The following CORO1B variants were observed in gnomAD, a reference collection of about 807,000 sequenced individuals.
CORO1B encodes the protein coronin-1B.
CORO1B carries 30 observed loss-of-function variants against 51.1 expected under a neutral mutation model. That is an observed-to-expected ratio of 0.59 (90% CI 0.44 to 0.80). CORO1B has a LOEUF of 0.80. Ranked by LOEUF, CORO1B falls within the 30% of genes least tolerant of loss-of-function variation. The probability of loss-of-function intolerance (pLI) is 0.00; values close to 1 mark genes in which losing one functional copy is unlikely to be tolerated. For missense variants in CORO1B, 648 were observed against 700.4 expected (o/e 0.93, Z 0.84); for synonymous variants, 310 against 289.7 (o/e 1.07, Z -0.71).
intron 6 of CORO1B, chr11:67,440,825 G>A (rs1301139009): frequency 3.0e-6 from 2 of 659,652 alleles, no homozygotes; most frequent in East Asian, 5.9e-5. Flanking sequence ...CTTTCTGGAG[G>A]AGCGGGGAGC....
Position 67,435,622 on chromosome 11 carries a change from G to A in CORO1B, c.*2754C>T. ...ACTTGGGAACTGGTAGGGGGTGACA[G>A]TCTGAGGCATGGTCATGTGGGCTGG... On this transcript the variant is annotated 3_prime_UTR_variant, in exon 11 of 11. Coordinates refer to ENST00000341356, the MANE Select transcript of CORO1B (RefSeq NM_020441.3). 6.8e-7 allele frequency: 1 copy of A among 1,460,090 alleles called. No homozygotes were observed. Among genetic ancestry groups the A allele is most frequent in the Non-Finnish European group, 9.1e-7 (1 of 1,102,864 alleles). The allele number at this position is 1,460,090 out of a possible 1,614,324, so 90.4% of individuals were successfully genotyped here. A position where few individuals can be genotyped will look rare whatever the true frequency, so the allele number is the denominator to read the frequency against.
At position 67,442,050 on chromosome 11, in the gene CORO1B, C is replaced by G; in HGVS notation, c.240G>C (p.Gly80=). 2 of 1,613,078 alleles carry G rather than the reference C, an allele frequency of 1.2e-6. No individual in the cohort carries two copies. The highest frequency in any genetic ancestry group is 1.7e-6 in the Non-Finnish European group (2 of 1,179,976). ...CGATGTCCAGGACAGGTCCCGTGTG[C>G]CCACACACCGTCGGGTAGGCCTTGT... The part of the protein sequence containing the change: ...RIDKAYPTVC[G]HTGPVLDIDW... The change falls in exon 3 of 11, where the codon GGG becomes GGC. Residue 80 remains glycine, a synonymous_variant. Coordinates refer to ENST00000341356, the MANE Select transcript of CORO1B (RefSeq NM_020441.3).
chr11:67,438,567 A>G (rs983024173), intron 10 of CORO1B, 66 bp from the exon 11 acceptor site: 14 of 1,556,422 alleles, frequency 9.0e-6, no homozygotes, highest in Non-Finnish European at 1.1e-5. Flanking sequence ...GCCCTCCCAA[A>G]CCCACCACTA....
chr11:67,443,350 C>T (rs2135150161), intron 1 of CORO1B, 54 bp downstream of exon 1: 1 of 424,820 alleles, frequency 2.4e-6, no homozygotes, highest in Non-Finnish European at 3.1e-6. Flanking sequence ...CCGGCCCCTG[C>T]AGCCCCGCCC....
chr11:67,435,989 C>A lies in CORO1B; in HGVS notation c.*2387G>T, dbSNP rs1310207520. ...GCCTTCCCCAGGGTCAGCCTGCAGG[C>A]CACCATCCGCGACGTGGTCATAGTC... On this transcript the variant is annotated 3_prime_UTR_variant, in exon 11 of 11. Transcript: ENST00000341356. 1 of 1,613,768 alleles carries A rather than the reference C, an allele frequency of 6.2e-7. No homozygotes were observed. The highest frequency in any genetic ancestry group is 8.5e-7 in the Non-Finnish European group (1 of 1,179,932).
Position 67,436,093 on chromosome 11 carries a change from TG to T in CORO1B, c.*2282del. 1 of 1,610,402 alleles carries T rather than the reference TG, an allele frequency of 6.2e-7. No homozygotes were observed. The highest frequency in any genetic ancestry group is 8.5e-7 in the Non-Finnish European group (1 of 1,178,732). Reference sequence around the variant, plus strand: ...CAGCTCGGGCCTGCAGCCAGCGACCTGGGGGGCTGGCCCAGAGCAGGCGCCG... The same window carrying T: ...CAGCTCGGGCCTGCAGCCAGCGACCTGGGGGCTGGCCCAGAGCAGGCGCCG... On this transcript the variant is annotated 3_prime_UTR_variant, in exon 11 of 11. Coordinates refer to ENST00000341356, the MANE Select transcript of CORO1B (RefSeq NM_020441.3).
At position 67,438,248 on chromosome 11, in the gene CORO1B, G is replaced by C. The variant is rs1216493865; in HGVS notation, c.*128C>G. ...CTTCGGCCTGGGCCTGGGACGGGTG[G>C]GGGTGGGAACTGACCCCTGCGCTGC... On this transcript the variant is annotated 3_prime_UTR_variant, in exon 11 of 11. Coordinates refer to ENST00000341356, the MANE Select transcript of CORO1B (RefSeq NM_020441.3). 8.3e-7 allele frequency: 1 copy of C among 1,199,934 alleles called. No homozygotes were observed. Among genetic ancestry groups the C allele is most frequent in the Non-Finnish European group, 1.2e-6 (1 of 868,446 alleles). The allele number at this position is 1,199,934 out of a possible 1,614,324, so 74.3% of individuals were successfully genotyped here.
Position 67,435,762 on chromosome 11 carries a change from C to T in CORO1B, c.*2614G>A. The T allele has an allele frequency of 4.5e-6, 7 of 1,555,772 alleles. No individual in the cohort carries two copies. The highest frequency in any genetic ancestry group is 6.1e-6 in the Non-Finnish European group (7 of 1,151,790). On this transcript the variant is annotated 3_prime_UTR_variant, in exon 11 of 11. Coordinates refer to ENST00000341356, the MANE Select transcript of CORO1B (RefSeq NM_020441.3). ...AGTGCGGTGACATGGAGGCCCTGGCCCCCAGCTGCCCTGGCGCTGTCATCC... is the reference window on the plus strand; with the variant it reads ...AGTGCGGTGACATGGAGGCCCTGGCTCCCAGCTGCCCTGGCGCTGTCATCC...
chr11:67,440,977 G>A (rs765114029), intron 6 of CORO1B, 148 bp downstream of exon 6: 1 of 1,179,622 alleles, frequency 8.5e-7, no homozygotes, highest in South Asian at 1.3e-5. Flanking sequence ...GGGCAGGAGA[G>A]GAAAGTCTGA....
chr11:67,441,749 G>T lies in CORO1B; in HGVS notation c.438C>A (p.Asn146Lys). The change falls in exon 4 of 11, where the codon AAC becomes AAA. Residue 146 changes from asparagine (N) to lysine (K), a missense_variant. By Grantham distance (94) the Asn-to-Lys change is moderately conservative. Transcript: ENST00000341356. ...GIIAWHPTAR[N>K]VLLSAGCDNV... is the part of the protein sequence containing the mutation. ...GGTGCAGACCTGCACTGAGCAGCACGTTTCGGGCCGTGGGGTGCCAGGCGA... is the reference window on the plus strand; with the variant it reads ...GGTGCAGACCTGCACTGAGCAGCACTTTTCGGGCCGTGGGGTGCCAGGCGA... 6.2e-7 allele frequency: 1 copy of T among 1,611,388 alleles called. No homozygotes were observed.
At position 67,442,098 on chromosome 11, in the gene CORO1B, C is replaced by T. The variant is rs565558736; in HGVS notation, c.202-10G>A. 3.0e-5 allele frequency: 49 copies of T among 1,607,336 alleles called. No homozygotes were observed. In the East Asian group the frequency reaches 6.9e-4, roughly 23 times the overall value. On this transcript the variant is annotated splice_polypyrimidine_tract_variant and intron_variant, in intron 2 of 10. Coordinates refer to ENST00000341356, the MANE Select transcript of CORO1B (RefSeq NM_020441.3). ...TGTCAATGCGGCCCGTCTGTGGGCA[C>T]GAGGGGGCAGTCAGTGGGCTCCATC...
In CORO1B at chr11:67,442,427, C is replaced by G; in HGVS notation, c.201+1G>C. On this transcript the variant is annotated splice_donor_variant, in intron 2 of 10. Coordinates refer to ENST00000341356, the MANE Select transcript of CORO1B (RefSeq NM_020441.3). LOFTEE classifies it high-confidence loss of function. ...CTTCCCCCAACCCTGACAGGACCCACCTTGCTTAGGGGGAGCACCAGAAAG... is the reference window on the plus strand; with the variant it reads ...CTTCCCCCAACCCTGACAGGACCCAGCTTGCTTAGGGGGAGCACCAGAAAG... 2 of 1,613,040 alleles carry G rather than the reference C, an allele frequency of 1.2e-6. No individual in the cohort carries two copies.
chr11:67,437,495 C>T lies in CORO1B; in HGVS notation c.*881G>A, dbSNP rs552980782. ...AAGGTTCAGCCTCTGCCATACTCCT[C>T]TTAGGTCTCACCTCTTCCCTGGGGC... is the stretch of plus-strand genomic sequence containing the variant. On this transcript the variant is annotated 3_prime_UTR_variant, in exon 11 of 11. Transcript: ENST00000341356. 4.0e-5 allele frequency: 47 copies of T among 1,177,540 alleles called. No homozygotes were observed. The highest frequency in any genetic ancestry group is 4.9e-5 in the Non-Finnish European group (44 of 898,422). The allele number at this position is 1,177,540 out of a possible 1,614,324, so 72.9% of individuals were successfully genotyped here. A position where few individuals can be genotyped will look rare whatever the true frequency, so the allele number is the denominator to read the frequency against.
intron 8 of CORO1B, 116 bp downstream of exon 8, chr11:67,440,002 C>A: frequency 6.7e-7 from 1 of 1,496,328 alleles, no homozygotes; most frequent in South Asian, 1.3e-5. Flanking sequence ...CGTGACAGTT[C>A]TCATGGCCCG....
rs145807014 is a variant in CORO1B, at chr11:67,438,859, C to T, written c.1156G>A (p.Asp386Asn). 337 of 1,608,546 alleles carry T rather than the reference C, an allele frequency of 2.1e-4. 1 individual carries two copies. In the South Asian group the frequency reaches 2.6e-3, roughly 12 times the overall value. ...TCCCGCAGTGAGATGAGGATCGGGT[C>T]GGCATCCCGCCCGCTCACCCACTCC... ...AEEWVSGRDA[D>N]PILISLREAY... Residue 386 changes from aspartate to asparagine, a missense_variant, in exon 10 of 11, where the codon GAC becomes AAC. Physicochemically the swap from Asp to Asn is conservative, Grantham distance 23. Coordinates refer to ENST00000341356, the MANE Select transcript of CORO1B (RefSeq NM_020441.3).
intron 6 of CORO1B, 150 bp downstream of exon 6, chr11:67,440,975 G>A: frequency 8.8e-7 from 1 of 1,140,694 alleles, no homozygotes; most frequent in Non-Finnish European, 1.3e-6. Flanking sequence ...GGGGGCAGGA[G>A]AGGAAAGTCT....
chr11:67,443,500 G>A (rs530591918), upstream of CORO1B: 1 of 981,976 alleles, frequency 1.0e-6, no homozygotes, highest in Non-Finnish European at 1.2e-6. Flanking sequence ...GGAAGTGACA[G>A]AGGGACCCGG....
At chr11:67,443,661 C>A (rs1290882246), upstream of CORO1B, 18 of 893,330 alleles carry the variant, frequency 2.0e-5, no homozygotes, top group Non-Finnish European at 2.4e-5. Context: ...GTGGAGCGCC[C>A]CCACCGCAGC....
chr11:67,439,706 A>G (rs1409833396), intron 9 of CORO1B, 80 bp downstream of exon 9: 2 of 1,395,534 alleles, frequency 1.4e-6, no homozygotes, highest in African/African-American at 1.4e-5. Flanking sequence ...TGTTCCATTC[A>G]CAGGCCTCGC....
Sources: gnomAD v4.1 joint callset for allele counts on GRCh38, gnomAD v4.1.1 for gene constraint, MANE v1.5 for transcripts, NCBI Gene and HGNC (gene_info 2026-07-23, HGNC 2026-07-21) for gene names.